ANKFY1: variants seen among roughly 807,000 people sequenced by gnomAD.
The protein encoded by ANKFY1 is ankyrin repeat and FYVE domain-containing protein 1.
Under a neutral mutation model 128.3 loss-of-function variants are expected in ANKFY1, and 47 were observed. The observed-to-expected ratio is 0.37, with a 90% CI of 0.29 to 0.47. ANKFY1 has a LOEUF of 0.47. ANKFY1 is among the 20% of genes least tolerant of loss of function. The pLI, the probability that ANKFY1 is intolerant of heterozygous loss-of-function variation, is 1.00. For missense variants in ANKFY1, 1,222 were observed against 1,510.6 expected, an observed-to-expected ratio of 0.81 and a Z score of 3.17; for synonymous variants, 553 against 601.6, an observed-to-expected ratio of 0.92 and a Z score of 1.18.
In ANKFY1 at chr17:4,220,928, G is replaced by A. The variant is rs1320142091; in HGVS notation, c.323-3810C>T. Among the ~76,000 whole-genome samples, 5 of 152,220 alleles carry A rather than the reference G, an allele frequency of 3.3e-5. No homozygotes were observed. The South Asian group carries it at 8.3e-4, about 25-fold the overall frequency. ...AAAGCAGTTGGCCTCCGAGTCCTGC[G>A]TGAGGGAGGTAATCATCTCTCAGAA... On this transcript the variant is annotated intron_variant, in intron 3 of 24. Transcript: ENST00000341657.
At chr17:4,208,595 G>A (rs549301285) in intron 5 of ANKFY1, among the ~76,000 whole-genome samples, 1 of 152,304 alleles carries the variant, frequency 6.6e-6, no homozygotes, top group Non-Finnish European at 1.5e-5. Context: ...TAAAAGAAAG[G>A]TTACCAATCC....
intron 1 of ANKFY1, among the ~76,000 whole-genome samples, chr17:4,247,399 G>C (rs1967601748): frequency 6.6e-6 from 1 of 152,202 alleles, no homozygotes; most frequent in African/African-American, 2.4e-5. Context: ...GTAATGAGCA[G>C]AGAAGAAGCT....
rs1156248960 is a variant in ANKFY1, at chr17:4,177,312, C to T, written c.2599-10G>A. On this transcript the variant is annotated splice_polypyrimidine_tract_variant and intron_variant, in intron 18 of 24. Transcript: ENST00000341657. ...GGCCCTTGTTATCCACCTACAGCAA[C>T]AAGTGCAAAGCAAAATATTAGTTCC... 1 of 1,573,234 alleles carries T rather than the reference C, an allele frequency of 6.4e-7. No homozygotes were observed. The highest frequency in any genetic ancestry group is 8.6e-7 in the Non-Finnish European group (1 of 1,158,598).
chr17:4,197,393 G>A lies in ANKFY1; in HGVS notation c.1083C>T (p.Asn361=), dbSNP rs2059845196. 6.2e-7 allele frequency: 1 copy of A among 1,614,170 alleles called. No homozygotes were observed. Among genetic ancestry groups the A allele is most frequent in the Non-Finnish European group, 8.5e-7 (1 of 1,180,028 alleles). The change falls in exon 8 of 25, where the codon AAC becomes AAT. Residue 361 remains asparagine (N), a synonymous_variant. Transcript: ENST00000341657. ...EALLQAGANP[N]MQDSKGRTPL... The stretch of plus-strand genomic sequence containing the variant: ...CTTACCTCCCCTTGCTGTCCTGCAT[G>A]TTGGGGTTGGCACCAGCCTGCAGAA...
In ANKFY1 at chr17:4,246,270, A is replaced by C. The variant is rs57344768; in HGVS notation, c.11-3822T>G. ...TAAAGCCTGTATTTGTTTGTAGCATACTGGACCCAGAAAATGCAAGAGAAG... is the reference window on the plus strand; with the variant it reads ...TAAAGCCTGTATTTGTTTGTAGCATCCTGGACCCAGAAAATGCAAGAGAAG... On this transcript the variant is annotated intron_variant, in intron 1 of 24. Transcript: ENST00000341657. 3.9e-5 allele frequency among the ~76,000 whole-genome samples: 6 copies of C among 152,338 alleles called. No homozygotes were observed. The East Asian group carries it at 1.2e-3, about 29-fold the overall frequency.
chr17:4,170,808 G>A lies in ANKFY1; in HGVS notation c.3193C>T (p.Arg1065Trp), dbSNP rs1451033131. 17 of 1,614,002 alleles carry A rather than the reference G, an allele frequency of 1.1e-5. No individual in the cohort carries two copies. The highest frequency in any genetic ancestry group is 1.4e-5 in the Non-Finnish European group (16 of 1,180,030). The part of the protein sequence containing the change: ...GNANLCRAIV[R>W]SGARLGVNNN... ...TTCACCCCGAGGCGAGCCCCCGACC[G>A]GACGATGGCGCGGCACAAGTTGGCG... is the stretch of plus-strand genomic sequence containing the variant. Residue 1065 changes from arginine to tryptophan, a missense_variant, in exon 23 of 25, where the codon CGG (arginine) becomes TGG (tryptophan). Coordinates refer to ENST00000341657, the MANE Select transcript of ANKFY1 (RefSeq NM_001330063.2).
At chr17:4,261,653 G>A (rs1968423738) in intron 1 of ANKFY1, among the ~76,000 whole-genome samples, 1 of 152,220 alleles carries the variant, frequency 6.6e-6, no homozygotes, top group African/African-American at 2.4e-5. Context: ...TGAGTATGCT[G>A]ACTCAGCCTG....
In ANKFY1 at chr17:4,235,761, CAA is replaced by C. The variant is rs779799262; in HGVS notation, c.322+9_322+10del. On this transcript the variant is annotated intron_variant, in intron 3 of 24. Transcript: ENST00000341657. ...TAGCAGTTTTGTGTCCCTGATCACT[CAA>C]AGGCTCACCTGACAGGTCCAACTCT... is the stretch of plus-strand genomic sequence containing the variant. The C allele has an allele frequency of 2.5e-5, 40 of 1,608,674 alleles. 1 individual carries two copies. The South Asian group carries it at 3.4e-4, about 14-fold the overall frequency.
intron 7 of ANKFY1, among the ~76,000 whole-genome samples, chr17:4,201,991 T>C (rs1353701102): frequency 6.6e-6 from 1 of 152,168 alleles, no homozygotes; most frequent in African/African-American, 2.4e-5. Flanking sequence ...AGAAAGAAAC[T>C]TTAGAATTAT....
chr17:4,206,222 A>G, intron 7 of ANKFY1, 99 bp downstream of exon 7: 1 of 1,320,896 alleles, frequency 7.6e-7, no homozygotes, highest in Non-Finnish European at 1.1e-6. Context: ...CAGACTACAG[A>G]AGCCTTTGAG....
chr17:4,167,664 C>CT lies in ANKFY1; in HGVS notation c.*114dup. The CT allele has an allele frequency of 9.6e-7, 1 of 1,038,024 alleles. No homozygotes were observed. Among genetic ancestry groups the CT allele is most frequent in the Non-Finnish European group, 1.3e-6 (1 of 742,070 alleles). The allele number at this position is 1,038,024 out of a possible 1,614,324, so 64.3% of individuals were successfully genotyped here. ...CACCATGGTCCTTAATCGTTCCAGTCTATTGCCGCAGGAAGACACCCGCCA... is the reference window on the plus strand; with the variant it reads ...CACCATGGTCCTTAATCGTTCCAGTCTTATTGCCGCAGGAAGACACCCGCCA... On this transcript the variant is annotated 3_prime_UTR_variant, in exon 25 of 25. Coordinates refer to ENST00000341657, the MANE Select transcript of ANKFY1 (RefSeq NM_001330063.2). The surrounding 1 kb of genome is among the most constrained non-coding windows in gnomAD (Gnocchi z 4.1).
rs186081773 is a variant in ANKFY1 at position 4,216,964 on chromosome 17, T to C, written c.458+19A>G. 1.2e-6 allele frequency: 2 copies of C among 1,613,950 alleles called. No homozygotes were observed. Among genetic ancestry groups the C allele is most frequent in the Admixed American group, 3.3e-5 (2 of 60,010 alleles). The stretch of plus-strand genomic sequence containing the variant: ...GCCACCACCATCTGAGGTGCTTGAA[T>C]ATATCTGCTGTGACTTGCCTCTCCC... On this transcript the variant is annotated intron_variant, in intron 4 of 24. Coordinates refer to ENST00000341657, the MANE Select transcript of ANKFY1 (RefSeq NM_001330063.2).
chr17:4,241,444 G>A (rs183781637), intron 2 of ANKFY1, among the ~76,000 whole-genome samples: 140 of 151,652 alleles, frequency 9.2e-4, no homozygotes, highest in African/African-American at 3.2e-3. Flanking sequence ...CATGCGCGGC[G>A]AATTTTTTAT....
chr17:4,225,873 A>C (rs903752099), intron 3 of ANKFY1, among the ~76,000 whole-genome samples: 1 of 152,044 alleles, frequency 6.6e-6, no homozygotes, highest in African/African-American at 2.4e-5. Context: ...TGATCCTCCC[A>C]CCTCAACCTT....
Position 4,178,918 on chromosome 17 carries a change from G to A in ANKFY1, c.2537C>T (p.Thr846Ile). ...CTCGGCTGACTTGTTGTTCTTGAAAGTCATGGCACAGGCAAACGGGGTCAG... is the reference window on the plus strand; with the variant it reads ...CTCGGCTGACTTGTTGTTCTTGAAAATCATGGCACAGGCAAACGGGGTCAG... ...QGLTPFACAM[T>I]FKNNKSAEAI... is the part of the protein sequence containing the mutation. The change falls in exon 18 of 25, where the codon ACT (threonine) becomes ATT (isoleucine). Residue 846 changes from threonine to isoleucine, a missense_variant. Transcript: ENST00000341657. The surrounding 1 kb of genome is among the most constrained non-coding windows in gnomAD (Gnocchi z 4.1). 1 of 1,614,212 alleles carries A rather than the reference G, an allele frequency of 6.2e-7. No homozygotes were observed. The highest frequency in any genetic ancestry group is 8.5e-7 in the Non-Finnish European group (1 of 1,180,042).
intron 1 of ANKFY1, among the ~76,000 whole-genome samples, chr17:4,243,662 T>G (rs752349705): frequency 5.9e-5 from 9 of 152,214 alleles, no homozygotes; most frequent in Non-Finnish European, 1.3e-4. Flanking sequence ...TTCCAGGGTC[T>G]GTAATCATAT....
chr17:4,251,561 G>T (rs148630103), intron 1 of ANKFY1, among the ~76,000 whole-genome samples: 1 of 131,376 alleles, frequency 7.6e-6, no homozygotes, highest in Admixed American at 7.3e-5. Flanking sequence ...AAAAACTACA[G>T]AACTTCCAGA....
chr17:4,242,359 A>C lies in ANKFY1; in HGVS notation c.100T>G (p.Cys34Gly). Residue 34 changes from cysteine to glycine, a missense_variant, in exon 2 of 25, where the codon TGC becomes GGC. Cys to Gly is a radical substitution (Grantham distance 159). Transcript: ENST00000341657. The part of the protein sequence containing the change: ...QKKLAETEKR[C>G]ALLAAQANKE... ...TTTGCCTGCGCAGCCAAGAGAGCGC[A>C]GCGCTTCTCTGTCTCCGCCAGCTTC... is the stretch of plus-strand genomic sequence containing the variant. The C allele has an allele frequency of 6.2e-7, 1 of 1,604,832 alleles. No individual in the cohort carries two copies. Among genetic ancestry groups the C allele is most frequent in the Non-Finnish European group, 8.5e-7 (1 of 1,176,516 alleles).
chr17:4,217,266 C>T (rs1302134319), intron 3 of ANKFY1, 148 bp from the exon 4 acceptor site: 2 of 911,218 alleles, frequency 2.2e-6, no homozygotes, highest in African/African-American at 1.7e-5. Context: ...AATGGGGACT[C>T]GGCCGGGTGC....
Sources: gnomAD v4.1 joint callset for allele counts (sites outside exome capture counted in the v4.1 genomes callset) on GRCh38, gnomAD v4.1.1 for gene constraint, Gnocchi (gnomAD v3.1) non-coding constraint, MANE v1.5 for transcripts, NCBI Gene and HGNC (gene_info 2026-07-23, HGNC 2026-07-21) for gene names.